Variants in RBFOX1 observed in about 807,000 individuals in gnomAD.
RBFOX1 encodes RNA binding fox-1 homolog 1.
RBFOX1 carries 8 observed loss-of-function variants against 57.7 expected under a neutral mutation model. That is an observed-to-expected ratio of 0.14 (90% CI 0.08 to 0.25). The LOEUF is 0.25. RBFOX1 is among the 10% of genes least tolerant of loss of function. RBFOX1 has a pLI of 1.00. For missense variants in RBFOX1, 611 were observed against 548.5 expected (o/e 1.11, Z -1.14); for synonymous variants, 326 against 222.4 (o/e 1.47, Z -4.15).
rs555267243 is a variant in RBFOX1 at position 7,334,244 on chromosome 16, CT to C, written c.28-183902del. Among the ~76,000 whole-genome samples the C allele has an allele frequency of 3.8e-4, 58 of 152,174 alleles. 1 individual carries two copies. The highest frequency in any genetic ancestry group is 6.0e-4 in the Non-Finnish European group (41 of 68,020). ...TCTCTTTCTGGATTTATGGCCGTTC[CT>C]CTGTTTGGAAGCTTTTCTCTGTATT... On this transcript the variant is annotated intron_variant, in intron 4 of 15. Coordinates refer to ENST00000550418, the MANE Select transcript of RBFOX1 (RefSeq NM_018723.4).
chr16:6,643,951 C>G (rs2098512648), intron 2 of RBFOX1, among the ~76,000 whole-genome samples: 6 of 152,078 alleles, frequency 3.9e-5, no homozygotes, highest in African/African-American at 1.4e-4. Flanking sequence ...CATGGGGAAA[C>G]CCCATCTGTA....
At chr16:5,479,319 T>G (rs988849631) in intron 2 of RBFOX1, among the ~76,000 whole-genome samples, 1 of 152,202 alleles carries the variant, frequency 6.6e-6, no homozygotes, top group Non-Finnish European at 1.5e-5. Flanking sequence ...ACAAGGACTG[T>G]AAGCACAGAG....
At chr16:6,020,137 A>C (rs1173131715) in intron 1 of RBFOX1, 145 bp downstream of exon 1, 2 of 1,002,812 alleles carry the variant, frequency 2.0e-6, no homozygotes, top group Non-Finnish European at 2.7e-6. Context: ...GAACTTTTTC[A>C]GGGTGTGTGG....
chr16:7,386,559 GT>G, intron 4 of RBFOX1, among the ~76,000 whole-genome samples: 1 of 151,964 alleles, frequency 6.6e-6, no homozygotes, highest in East Asian at 1.9e-4. Flanking sequence ...ATGATCTCAT[GT>G]TTTTTTATGG....
intron 3 of RBFOX1, among the ~76,000 whole-genome samples, chr16:6,742,077 A>C (rs935634565): frequency 9.9e-5 from 15 of 152,164 alleles, no homozygotes; most frequent in African/African-American, 3.4e-4. Flanking sequence ...ACATTTTTCA[A>C]AACATCATGT....
chr16:6,872,981 A>G (rs1372341996), intron 3 of RBFOX1, among the ~76,000 whole-genome samples: 3 of 152,092 alleles, frequency 2.0e-5, no homozygotes, highest in Non-Finnish European at 2.9e-5. Context: ...GTATAATGCC[A>G]TTGATTTTGA....
chr16:7,177,907 C>T (rs1044683594), intron 4 of RBFOX1, among the ~76,000 whole-genome samples: 1 of 152,148 alleles, frequency 6.6e-6, no homozygotes, highest in Admixed American at 6.6e-5. Flanking sequence ...AGCTTCTGTT[C>T]TAGTGTAGTT....
intron 1 of RBFOX1, among the ~76,000 whole-genome samples, chr16:5,352,501 A>C (rs546923074): frequency 2.0e-5 from 3 of 152,170 alleles, no homozygotes; most frequent in Non-Finnish European, 4.4e-5. Context: ...CTTTATGCAC[A>C]CAGGCTCACA....
intron 4 of RBFOX1, among the ~76,000 whole-genome samples, chr16:7,362,685 TAGTG>T (rs748884318): frequency 7.3e-4 from 111 of 152,126 alleles, no homozygotes; most frequent in African/African-American, 2.6e-3. Context: ...ATATGTGTGT[TAGTG>T]TGTGTATATT....
chr16:5,895,462 G>C (rs115395660), intron 4 of RBFOX1, among the ~76,000 whole-genome samples: 1 of 152,214 alleles, frequency 6.6e-6, no homozygotes, highest in Non-Finnish European at 1.5e-5. Flanking sequence ...ACTGACTGAA[G>C]AAGAAAACGT....
chr16:6,750,251 T>C (rs1249031750), intron 3 of RBFOX1, among the ~76,000 whole-genome samples: 1 of 152,206 alleles, frequency 6.6e-6, no homozygotes, highest in East Asian at 1.9e-4. Context: ...GGTAAATTCA[T>C]CAATAGCTGT....
Position 7,199,478 on chromosome 16 carries a change from G to A in RBFOX1, c.27+147380G>A, listed in dbSNP as rs902591245. ...GTGTTTCAGGCAGCGTACGCCTGAA[G>A]GTTTGGAAGTTTTAACACAGCCAAA... is the stretch of plus-strand genomic sequence containing the variant. On this transcript the variant is annotated intron_variant, in intron 4 of 15. Coordinates refer to ENST00000550418, the MANE Select transcript of RBFOX1 (RefSeq NM_018723.4). Among the ~76,000 whole-genome samples the A allele has an allele frequency of 2.6e-5, 4 of 152,182 alleles. 1 individual carries two copies. Among genetic ancestry groups the A allele is most frequent in the Admixed American group, 2.6e-4 (4 of 15,276 alleles).
At chr16:6,966,186 C>G (rs943926633) in intron 3 of RBFOX1, among the ~76,000 whole-genome samples, 16 of 152,222 alleles carry the variant, frequency 1.1e-4, no homozygotes, top group South Asian at 8.3e-4. Flanking sequence ...CTTCCTATCT[C>G]TCTGAGCCAG....
intron 3 of RBFOX1, among the ~76,000 whole-genome samples, chr16:6,716,359 G>T (rs970738235): frequency 1.3e-5 from 2 of 152,114 alleles, no homozygotes; most frequent in South Asian, 4.1e-4. Context: ...CATCTTTGCT[G>T]TCTCTGAATA....
At chr16:6,548,191 G>T (rs187290082) in intron 2 of RBFOX1, among the ~76,000 whole-genome samples, 364 of 152,228 alleles carry the variant, frequency 2.4e-3, no homozygotes, top group Non-Finnish European at 4.4e-3. Context: ...CTTGGGTATT[G>T]CCATCCTTTA....
intron 3 of RBFOX1, among the ~76,000 whole-genome samples, chr16:6,978,931 C>G (rs756919282): frequency 1.3e-5 from 2 of 152,196 alleles, no homozygotes; most frequent in Admixed American, 1.3e-4. Context: ...GGCCTGGGGA[C>G]CACACCCATC....
chr16:5,618,121 T>A (rs2048093715), intron 3 of RBFOX1, among the ~76,000 whole-genome samples: 1 of 152,184 alleles, frequency 6.6e-6, no homozygotes, highest in Non-Finnish European at 1.5e-5. Flanking sequence ...AGTATTTTTA[T>A]CTCCTGGAAG....
intron 4 of RBFOX1, among the ~76,000 whole-genome samples, chr16:5,911,943 A>G (rs1309405949): frequency 6.6e-5 from 10 of 152,204 alleles, no homozygotes; most frequent in African/African-American, 2.4e-5. Context: ...TTGAGGGGAC[A>G]CAAACATTCA....
intron 1 of RBFOX1, among the ~76,000 whole-genome samples, chr16:5,330,844 C>G (rs375543368): frequency 1.8e-4 from 27 of 152,184 alleles, no homozygotes; most frequent in South Asian, 6.2e-4. Context: ...AAGGTGGAGG[C>G]TGCTAAAAAT....
Sources: allele counts gnomAD v4.1 joint callset (sites outside exome capture counted in the v4.1 genomes callset), GRCh38; gene constraint gnomAD v4.1.1; transcripts MANE v1.5; gene names NCBI Gene and HGNC (gene_info 2026-07-23, HGNC 2026-07-21).